Variants in IMMP2L observed in about 807,000 individuals in gnomAD.
The protein encoded by IMMP2L is mitochondrial inner membrane protease subunit 2.
In IMMP2L, 18 loss-of-function variants were observed where a neutral mutation model predicts 19.3. That is an observed-to-expected ratio of 0.93 (90% CI 0.64 to 1.38). The LOEUF is 1.38. Among genes scored for constraint, IMMP2L ranks in the 40% most tolerant of loss-of-function variants. IMMP2L has a pLI of 0.00. For synonymous variants in IMMP2L, 76 were observed against 73.0 expected (o/e 1.04, Z -0.21); for missense variants, 233 against 218.2 (o/e 1.07, Z -0.43).
At chr7:110,987,501 T>G (rs766690100) in intron 3 of IMMP2L, among the ~76,000 whole-genome samples, 1 of 152,208 alleles carries the variant, frequency 6.6e-6, no homozygotes, top group African/African-American at 2.4e-5. Flanking sequence ...TGGGATAGCA[T>G]TTCCCAAACT....
At chr7:111,155,932 C>T (rs1366715073) in intron 3 of IMMP2L, among the ~76,000 whole-genome samples, 1 of 151,998 alleles carries the variant, frequency 6.6e-6, no homozygotes, top group Non-Finnish European at 1.5e-5. Flanking sequence ...CTTTGCCTGT[C>T]TTGGAACTCA....
At chr7:111,313,069 A>G (rs1823687671) in intron 3 of IMMP2L, among the ~76,000 whole-genome samples, 1 of 152,126 alleles carries the variant, frequency 6.6e-6, no homozygotes, top group African/African-American at 2.4e-5. Flanking sequence ...AAAAACTTCT[A>G]CAGGTGCCAC....
At chr7:111,548,327 T>C (rs1362471062) in intron 1 of IMMP2L, among the ~76,000 whole-genome samples, 2 of 152,160 alleles carry the variant, frequency 1.3e-5, no homozygotes, top group African/African-American at 4.8e-5. Context: ...ATATCATAAA[T>C]CAGGTAACAC....
chr7:111,286,230 A>T (rs967532150), intron 3 of IMMP2L, among the ~76,000 whole-genome samples: 1 of 152,196 alleles, frequency 6.6e-6, no homozygotes, highest in Non-Finnish European at 1.5e-5. Context: ...AACAGTTAGA[A>T]GATTCTCAGC....
chr7:111,363,705 G>C (rs745434051), intron 3 of IMMP2L, among the ~76,000 whole-genome samples: 6 of 151,888 alleles, frequency 4.0e-5, no homozygotes, highest in Non-Finnish European at 7.4e-5. Context: ...TCTAATCATA[G>C]GACTCTCCTG....
intron 3 of IMMP2L, among the ~76,000 whole-genome samples, chr7:111,070,235 AC>A (rs1794839190): frequency 1.3e-5 from 2 of 152,222 alleles, no homozygotes; most frequent in South Asian, 4.1e-4. Context: ...GCACCACAAA[AC>A]TACAAAGGGT....
chr7:110,786,431 G>A (rs1800082475), intron 5 of IMMP2L, among the ~76,000 whole-genome samples: 1 of 151,926 alleles, frequency 6.6e-6, no homozygotes, highest in African/African-American at 2.4e-5. Context: ...ATGGGCTTAA[G>A]CTTGGGCTAC....
intron 1 of IMMP2L, among the ~76,000 whole-genome samples, chr7:111,535,559 A>T (rs1402496124): frequency 1.3e-5 from 2 of 152,156 alleles, no homozygotes; most frequent in African/African-American, 4.8e-5. Context: ...ACAGTCATCA[A>T]CTATGGTGGG....
At chr7:110,738,848 A>T (rs991813758) in intron 5 of IMMP2L, among the ~76,000 whole-genome samples, 6 of 152,242 alleles carry the variant, frequency 3.9e-5, no homozygotes, top group Non-Finnish European at 7.3e-5. Flanking sequence ...AAAACCTATC[A>T]GATTAACAGC....
intron 3 of IMMP2L, among the ~76,000 whole-genome samples, chr7:111,332,664 A>C (rs56938422): frequency 0.026 from 3,984 of 152,074 alleles, 175 homozygotes; most frequent in African/African-American, 0.091. Context: ...TATAACTAAT[A>C]AGGTAGATTT....
At chr7:111,120,661 G>A (rs983807554) in intron 3 of IMMP2L, among the ~76,000 whole-genome samples, 4 of 152,114 alleles carry the variant, frequency 2.6e-5, no homozygotes, top group African/African-American at 4.8e-5. Flanking sequence ...CTTTAGTTAC[G>A]AATGATAACA....
chr7:111,366,340 G>GAAAAAAA (rs1219513826), intron 3 of IMMP2L, among the ~76,000 whole-genome samples: 1 of 126,792 alleles, frequency 7.9e-6, no homozygotes, highest in African/African-American at 2.9e-5. Context: ...ATTAAAAAAA[G>GAAAAAAA]AAAGAAAAAA....
At chr7:110,832,736 A>G (rs1804082805) in intron 5 of IMMP2L, among the ~76,000 whole-genome samples, 1 of 152,198 alleles carries the variant, frequency 6.6e-6, no homozygotes, top group East Asian at 1.9e-4. Context: ...AGAATTCTTC[A>G]TAGGAATTCT....
At chr7:110,846,241 C>A (rs1203652905) in intron 5 of IMMP2L, among the ~76,000 whole-genome samples, 1 of 151,932 alleles carries the variant, frequency 6.6e-6, no homozygotes, top group Non-Finnish European at 1.5e-5. Context: ...CAGCGAAGTG[C>A]CTTGGCCAAG....
At chr7:110,839,903 C>T (rs182002676) in intron 5 of IMMP2L, among the ~76,000 whole-genome samples, 4 of 152,226 alleles carry the variant, frequency 2.6e-5, no homozygotes, top group Admixed American at 1.3e-4. Context: ...GCACACATCC[C>T]TCCCTCCCAT....
At chr7:111,319,360 A>G (rs1824437485) in intron 3 of IMMP2L, among the ~76,000 whole-genome samples, 1 of 152,134 alleles carries the variant, frequency 6.6e-6, no homozygotes, top group Non-Finnish European at 1.5e-5. Flanking sequence ...AATGTGCTAC[A>G]TATTATAGAT....
intron 3 of IMMP2L, among the ~76,000 whole-genome samples, chr7:111,025,790 T>C (rs1350950339): frequency 6.6e-6 from 1 of 152,176 alleles, no homozygotes; most frequent in East Asian, 1.9e-4. Context: ...GAATGAATGG[T>C]ATGAATAACG....
chr7:110,895,078 G>A (rs1254283493), intron 4 of IMMP2L, among the ~76,000 whole-genome samples: 1 of 152,154 alleles, frequency 6.6e-6, no homozygotes, highest in African/African-American at 2.4e-5. Context: ...AAAGTTCCAC[G>A]TGGCTCGGGA....
At chr7:111,469,997 G>C (rs1033839099) in intron 3 of IMMP2L, among the ~76,000 whole-genome samples, 22 of 152,118 alleles carry the variant, frequency 1.4e-4, no homozygotes, top group South Asian at 4.1e-4. Context: ...CTAATATCCA[G>C]AATCTACAAT....
Sources: allele counts gnomAD v4.1 joint callset (sites outside exome capture counted in the v4.1 genomes callset), GRCh38; gene constraint gnomAD v4.1.1; transcripts MANE v1.5; gene names NCBI Gene and HGNC (gene_info 2026-07-23, HGNC 2026-07-21).